CHML: variants seen among roughly 807,000 people sequenced by gnomAD.
The protein encoded by CHML is CHM like Rab escort protein, also known as rab proteins geranylgeranyltransferase component A 2.
A neutral mutation model predicts 30.4 loss-of-function variants in CHML; 20 were observed. The ratio of observed to expected loss-of-function variants is 0.66; its 90% confidence interval spans 0.46 to 0.95. The LOEUF (loss-of-function observed/expected upper bound fraction) is 0.95. Ranked by LOEUF, CHML falls within the 40% of genes least tolerant of loss-of-function variation. The probability of loss-of-function intolerance (pLI) is 0.00; values close to 1 mark genes in which losing one functional copy is unlikely to be tolerated. For synonymous variants in CHML, 281 were observed against 275.0 expected (o/e 1.02, Z -0.22); for missense variants, 795 against 768.5 (o/e 1.03, Z -0.41).
rs1664567617 is a variant in CHML at position 241,630,062 on chromosome 1, TTC to T, written c.*3732_*3733del. On this transcript the variant is annotated 3_prime_UTR_variant, in exon 2 of 2. Coordinates refer to ENST00000366553, the MANE Select transcript of CHML (RefSeq NM_001381853.1). Reference sequence around the variant, plus strand: ...TCATACTAATGTCACATATTGGCATTTCTTTGGATGTAGCTTTATATTTTAAA... The same window carrying T: ...TCATACTAATGTCACATATTGGCATTTTTGGATGTAGCTTTATATTTTAAA... 6.6e-6 allele frequency: 1 copy of T among 152,120 alleles called. No homozygotes were observed. The highest frequency in any genetic ancestry group is 6.5e-5 in the Admixed American group (1 of 15,272). The allele number at this position is 152,120 out of a possible 1,614,324, so 9.4% of individuals were successfully genotyped here. A position where few individuals can be genotyped will look rare whatever the true frequency, so the allele number is the denominator to read the frequency against.
rs3835408 is a variant in CHML at position 241,633,645 on chromosome 1, ATGC to A, written c.*148_*150del. On this transcript the variant is annotated 3_prime_UTR_variant, in exon 2 of 2. Transcript: ENST00000366553. The stretch of plus-strand genomic sequence containing the variant: ...ATTGATAGGTTAACAAAGATATTCA[ATGC>A]TGAATGTCTGAGAGTTAAAGACAAC... 229,391 of 791,816 alleles carry A rather than the reference ATGC, an allele frequency of 0.29. 34,162 individuals carry two copies. Among genetic ancestry groups the A allele is most frequent in the Admixed American group, 0.47 (18,334 of 38,988 alleles). The allele number at this position is 791,816 out of a possible 1,614,324, so 49.0% of individuals were successfully genotyped here. A position where few individuals can be genotyped will look rare whatever the true frequency, so the allele number is the denominator to read the frequency against.
In CHML at chr1:241,629,732, T is replaced by A. The variant is rs991298816; in HGVS notation, c.*4064A>T. The A allele has an allele frequency of 2.6e-5, 4 of 152,136 alleles. No individual in the cohort carries two copies. Among genetic ancestry groups the A allele is most frequent in the Non-Finnish European group, 5.9e-5 (4 of 67,964 alleles). 9.4% of individuals were successfully genotyped at this position (152,136 alleles called of 1,614,324 possible). A position where few individuals can be genotyped will look rare whatever the true frequency, so the allele number is the denominator to read the frequency against. ...TTAACATTTTAATTCATTTGGAATA[T>A]CACATGTAAAGTGGATCTAATCTTT... On this transcript the variant is annotated 3_prime_UTR_variant, in exon 2 of 2. Transcript: ENST00000366553.
At position 241,633,884 on chromosome 1, in the gene CHML, G is replaced by T. The variant is rs1164545519; in HGVS notation, c.1883C>A (p.Pro628His). The change falls in exon 2 of 2, where the codon CCT becomes CAT. Residue 628 changes from proline (P) to histidine (H), a missense_variant. Transcript: ENST00000366553. ...FDGDDKQPEAPGTNNVVMAKL... is the reference protein window; with the variant it reads ...FDGDDKQPEAHGTNNVVMAKL... ...GGCCATTACTACATTATTGGTTCCAGGAGCCTCTGGCTGCTTATCATCACC... is the reference window on the plus strand; with the variant it reads ...GGCCATTACTACATTATTGGTTCCATGAGCCTCTGGCTGCTTATCATCACC... 1.9e-6 allele frequency: 3 copies of T among 1,613,816 alleles called. No individual in the cohort carries two copies. Among genetic ancestry groups the T allele is most frequent in the Non-Finnish European group, 2.5e-6 (3 of 1,179,800 alleles).
Position 241,634,020 on chromosome 1 carries a change from C to G in CHML, c.1747G>C (p.Gly583Arg). 1 of 1,613,776 alleles carries G rather than the reference C, an allele frequency of 6.2e-7. No homozygotes were observed. Among genetic ancestry groups the G allele is most frequent in the Non-Finnish European group, 8.5e-7 (1 of 1,179,848 alleles). Residue 583 changes from glycine to arginine, a missense_variant, in exon 2 of 2, where the codon GGC becomes CGC. Gly to Arg is a moderately radical substitution (Grantham distance 125). Coordinates refer to ENST00000366553, the MANE Select transcript of CHML (RefSeq NM_001381853.1). ...TTGACAGCATGCTCATTTCCCAGGC[C>G]ACAGTCAGGCCCAGAGCAGACATAA... ...NVYVCSGPDCGLGNEHAVKQA... is the reference protein window; with the variant it reads ...NVYVCSGPDCRLGNEHAVKQA...
At chr1:241,638,889 C>A (rs1665003595) in intron 1 of CHML, among the ~76,000 whole-genome samples, 2 of 152,188 alleles carry the variant, frequency 1.3e-5, no homozygotes, top group South Asian at 4.2e-4. Flanking sequence ...AAGATTAAAG[C>A]AATAAAGTAT....
chr1:241,634,511 T>C lies in CHML; in HGVS notation c.1256A>G (p.Lys419Arg). Residue 419 changes from lysine (K) to arginine (R), a missense_variant, in exon 2 of 2, where the codon AAA becomes AGA. Physicochemically the swap from Lys to Arg is conservative, Grantham distance 26. Transcript: ENST00000366553. Reference sequence around the variant, plus strand: ...TTGACCAAAGTGATCTATAATTGCTTTACATCGTCCAGATTCTTTGTCGAC... The same window carrying C: ...TTGACCAAAGTGATCTATAATTGCTCTACATCGTCCAGATTCTTTGTCGAC... ...FVVDKESGRC[K>R]AIIDHFGQRI... 2 of 1,613,942 alleles carry C rather than the reference T, an allele frequency of 1.2e-6. No individual in the cohort carries two copies. The highest frequency in any genetic ancestry group is 1.7e-6 in the Non-Finnish European group (2 of 1,179,896).
rs1665078447 is a variant in CHML, at chr1:241,640,316, G to C, written c.-742C>G. 2 of 1,096,754 alleles carry C rather than the reference G, an allele frequency of 1.8e-6. No homozygotes were observed. The highest frequency in any genetic ancestry group is 2.2e-6 in the Non-Finnish European group (2 of 905,374). The allele number at this position is 1,096,754 out of a possible 1,614,324, so 67.9% of individuals were successfully genotyped here. A position where few individuals can be genotyped will look rare whatever the true frequency, so the allele number is the denominator to read the frequency against. On this transcript the variant is annotated 5_prime_UTR_variant, in exon 1 of 2. Transcript: ENST00000366553. The stretch of plus-strand genomic sequence containing the variant: ...CAGCTTGCGGCGGGGCTCGCGGCGC[G>C]CTCCGCACTGGGTGGGGTTGGGGCT...
chr1:241,634,069 C>A lies in CHML; in HGVS notation c.1698G>T (p.Ser566=). 6.2e-7 allele frequency: 1 copy of A among 1,612,032 alleles called. No individual in the cohort carries two copies. Among genetic ancestry groups the A allele is most frequent in the Non-Finnish European group, 8.5e-7 (1 of 1,179,230 alleles). ...MRDSSGISRS[S]YNGLPSNVYV... ...AAACATTGGAAGGCAAGCCATTATA[C>A]GAGCTTCTGCTGATTCCCGAGGAAT... The change falls in exon 2 of 2, where the codon TCG becomes TCT. Residue 566 remains serine (S), a synonymous_variant. Transcript: ENST00000366553.
In CHML at chr1:241,635,874, G is replaced by T. The variant is rs1357376764; in HGVS notation, c.-108C>A. On this transcript the variant is annotated 5_prime_UTR_variant, in exon 2 of 2. Coordinates refer to ENST00000366553, the MANE Select transcript of CHML (RefSeq NM_001381853.1). ...ATGTTCCAGTTATCCCAGAAGCACTGAAGTTGCAGGTCCTAGCTGTTTAAC... is the reference window on the plus strand; with the variant it reads ...ATGTTCCAGTTATCCCAGAAGCACTTAAGTTGCAGGTCCTAGCTGTTTAAC... 2.7e-6 allele frequency: 3 copies of T among 1,101,874 alleles called. No homozygotes were observed. In the African/African-American group the frequency reaches 4.7e-5, roughly 17 times the overall value. 68.3% of individuals were successfully genotyped at this position (1,101,874 alleles called of 1,614,324 possible). A position where few individuals can be genotyped will look rare whatever the true frequency, so the allele number is the denominator to read the frequency against.
Position 241,635,863 on chromosome 1 carries a change from C to A in CHML, c.-97G>T. ...CTGTCCTTCTGATGTTCCAGTTATC[C>A]CAGAAGCACTGAAGTTGCAGGTCCT... On this transcript the variant is annotated 5_prime_UTR_variant, in exon 2 of 2. Transcript: ENST00000366553. 1.6e-6 allele frequency: 2 copies of A among 1,261,726 alleles called. No individual in the cohort carries two copies. The highest frequency in any genetic ancestry group is 2.5e-5 in the Admixed American group (1 of 40,558). The allele number at this position is 1,261,726 out of a possible 1,614,324, so 78.2% of individuals were successfully genotyped here. A position where few individuals can be genotyped will look rare whatever the true frequency, so the allele number is the denominator to read the frequency against.
intron 1 of CHML, among the ~76,000 whole-genome samples, chr1:241,639,653 G>A (rs1253505082): frequency 1.3e-5 from 2 of 151,624 alleles, no homozygotes; most frequent in African/African-American, 4.9e-5. Context: ...ATGGAGTCCT[G>A]GACAGCGTGG....
In CHML at chr1:241,635,406, T is replaced by C; in HGVS notation, c.361A>G (p.Lys121Glu). 1 of 1,614,054 alleles carries C rather than the reference T, an allele frequency of 6.2e-7. No individual in the cohort carries two copies. Among genetic ancestry groups the C allele is most frequent in the South Asian group, 1.1e-5 (1 of 91,088 alleles). Residue 121 changes from lysine to glutamate, a missense_variant, in exon 2 of 2, where the codon AAA (lysine) becomes GAA (glutamate). Lys to Glu is a moderately conservative substitution (Grantham distance 56). Transcript: ENST00000366553. ...DNVEEIGALQKNPSLGVSNTF... is the reference protein window; with the variant it reads ...DNVEEIGALQENPSLGVSNTF... ...TTAGACACCCCCAAAGAAGGATTTT[T>C]CTGCAGAGCACCAATCTCTTCAACG...
Position 241,634,523 on chromosome 1 carries a change from G to A in CHML, c.1244C>T (p.Ser415Phe), listed in dbSNP as rs376791831. Reference sequence around the variant, plus strand: ...ATCTATAATTGCTTTACATCGTCCAGATTCTTTGTCGACTACAAAGCATTG... The same window carrying A: ...ATCTATAATTGCTTTACATCGTCCAAATTCTTTGTCGACTACAAAGCATTG... Reference protein sequence around the residue: ...KVQCFVVDKESGRCKAIIDHF... With the variant: ...KVQCFVVDKEFGRCKAIIDHF... The change falls in exon 2 of 2, where the codon TCT (serine) becomes TTT (phenylalanine). Residue 415 changes from serine to phenylalanine, a missense_variant. Ser to Phe is a radical substitution (Grantham distance 155). Transcript: ENST00000366553. 1.2e-6 allele frequency: 2 copies of A among 1,613,898 alleles called. No homozygotes were observed. The highest frequency in any genetic ancestry group is 1.7e-5 in the Admixed American group (1 of 60,004).
At chr1:241,636,281 A>G (rs1664893396) in intron 1 of CHML, among the ~76,000 whole-genome samples, 1 of 152,238 alleles carries the variant, frequency 6.6e-6, no homozygotes, top group Non-Finnish European at 1.5e-5. Context: ...ATCAGGCAAC[A>G]TAGTAATAGA....
At chr1:241,639,757 C>CG (rs1161361982) in intron 1 of CHML, 125 bp downstream of exon 1, 4 of 858,554 alleles carry the variant, frequency 4.7e-6, no homozygotes, top group Non-Finnish European at 6.0e-6. Context: ...CGGTGTAGGG[C>CG]GGGGGGCGCG....
chr1:241,632,816 T>C lies in CHML; in HGVS notation c.*980A>G, dbSNP rs1459129840. On this transcript the variant is annotated 3_prime_UTR_variant, in exon 2 of 2. Transcript: ENST00000366553. Reference sequence around the variant, plus strand: ...ATTCTCACTGAAAAACCTTGGGTAATCTATTTATAGAGGGTTTTATAAGTA... The same window carrying C: ...ATTCTCACTGAAAAACCTTGGGTAACCTATTTATAGAGGGTTTTATAAGTA... The C allele has an allele frequency of 1.3e-5, 2 of 152,104 alleles. No individual in the cohort carries two copies. Among genetic ancestry groups the C allele is most frequent in the Non-Finnish European group, 2.9e-5 (2 of 68,002 alleles). The allele number at this position is 152,104 out of a possible 1,614,324, so 9.4% of individuals were successfully genotyped here. A position where few individuals can be genotyped will look rare whatever the true frequency, so the allele number is the denominator to read the frequency against.
rs1664741669 is a variant in CHML, at chr1:241,633,733, T to C, written c.*63A>G. ...AATTACTCATATGGGAAACTGTCCT[T>C]TAAATGAGAAAATTCTGATGCCATG... is the stretch of plus-strand genomic sequence containing the variant. On this transcript the variant is annotated 3_prime_UTR_variant, in exon 2 of 2. Transcript: ENST00000366553. 1.3e-6 allele frequency: 2 copies of C among 1,571,942 alleles called. No individual in the cohort carries two copies. Among genetic ancestry groups the C allele is most frequent in the Non-Finnish European group, 1.7e-6 (2 of 1,153,454 alleles).
At chr1:241,637,663 G>T (rs781741193) in intron 1 of CHML, among the ~76,000 whole-genome samples, 9 of 152,024 alleles carry the variant, frequency 5.9e-5, no homozygotes, top group Admixed American at 1.3e-4. Context: ...ATATCAAAGG[G>T]GTCATCAAAA....
Position 241,640,151 on chromosome 1 carries a change from A to T in CHML, c.-577T>A. On this transcript the variant is annotated 5_prime_UTR_variant, in exon 1 of 2. Transcript: ENST00000366553. ...GCGCTCGTAGGTGCCGGGGCTGAAGAGGGGCGCGGGGCTCAGTGTCCCCGC... is the reference window on the plus strand; with the variant it reads ...GCGCTCGTAGGTGCCGGGGCTGAAGTGGGGCGCGGGGCTCAGTGTCCCCGC... 6.6e-7 allele frequency: 1 copy of T among 1,521,018 alleles called. No individual in the cohort carries two copies. Among genetic ancestry groups the T allele is most frequent in the Non-Finnish European group, 8.8e-7 (1 of 1,135,212 alleles). 94.2% of individuals were successfully genotyped at this position (1,521,018 alleles called of 1,614,324 possible).
Sources: gnomAD v4.1 joint callset for allele counts (sites outside exome capture counted in the v4.1 genomes callset) on GRCh38, gnomAD v4.1.1 for gene constraint, MANE v1.5 for transcripts, NCBI Gene and HGNC (gene_info 2026-07-23, HGNC 2026-07-21) for gene names.